Variants in NPM1 observed in about 807,000 individuals in gnomAD.
NPM1 encodes the protein nucleophosmin 1, also known as nucleophosmin.
Under a neutral mutation model 44.1 loss-of-function variants are expected in NPM1, and 1 was observed. The ratio of observed to expected loss-of-function variants is 0.02; its 90% CI spans 0.01 to 0.11. The LOEUF (loss-of-function observed/expected upper bound fraction) is 0.11, where lower values mean the gene tolerates loss of function less well. Ranked by LOEUF, NPM1 falls within the 10% of genes least tolerant of loss-of-function variation. The pLI is 1.00. For synonymous variants in NPM1, 126 were observed against 111.8 expected, an observed-to-expected ratio of 1.13 and a Z score of -0.80; for missense variants, 197 against 347.8, an observed-to-expected ratio of 0.57 and a Z score of 3.45.
intron 6 of NPM1, among the ~76,000 whole-genome samples, chr5:171,399,335 C>CAG (rs1207169618): frequency 6.6e-6 from 1 of 152,126 alleles, no homozygotes; most frequent in East Asian, 1.9e-4. Flanking sequence ...AGTTACAGTT[C>CAG]ACTGTCTCAA....
intron 4 of NPM1, 134 bp downstream of exon 4, chr5:171,391,933 G>T: frequency 1.1e-5 from 5 of 444,040 alleles, no homozygotes; most frequent in Non-Finnish European, 1.6e-5. Context: ...CTAGAAATTG[G>T]AGAGGACAAA....
chr5:171,396,964 ACT>A (rs901358342), intron 6 of NPM1, among the ~76,000 whole-genome samples: 2 of 152,036 alleles, frequency 1.3e-5, no homozygotes, highest in African/African-American at 4.8e-5. Flanking sequence ...CAAGAGTAAA[ACT>A]CAAAAAAAAA....
intron 8 of NPM1, 45 bp from the exon 9 acceptor site, chr5:171,405,257 T>G (rs2113274110): frequency 1.1e-6 from 1 of 911,212 alleles, no homozygotes; most frequent in Non-Finnish European, 1.7e-6. Flanking sequence ...TAATTAGGAA[T>G]TGTATTTATT....
At chr5:171,395,715 C>T (rs1770846052) in intron 6 of NPM1, among the ~76,000 whole-genome samples, 1 of 152,136 alleles carries the variant, frequency 6.6e-6, no homozygotes, top group Non-Finnish European at 1.5e-5. Context: ...CAAAGAGGTG[C>T]ATGAAGGTTC....
At chr5:171,389,865 C>T (rs1052078898) in intron 1 of NPM1, among the ~76,000 whole-genome samples, 186 bp from the exon 2 acceptor site, 3 of 152,118 alleles carry the variant, frequency 2.0e-5, no homozygotes, top group Non-Finnish European at 2.9e-5. Flanking sequence ...GAATTATAGT[C>T]TTTTATGGGT....
chr5:171,396,593 A>C (rs1374944100), intron 6 of NPM1, among the ~76,000 whole-genome samples: 3 of 152,238 alleles, frequency 2.0e-5, no homozygotes, highest in Non-Finnish European at 4.4e-5. Context: ...TTTAGAGACC[A>C]GTACGTTCAG....
At chr5:171,389,269 C>T (rs1230271062) in intron 1 of NPM1, among the ~76,000 whole-genome samples, 1 of 152,160 alleles carries the variant, frequency 6.6e-6, no homozygotes, top group African/African-American at 2.4e-5. Context: ...GTTAATTAAA[C>T]GTCTGTTCAC....
intron 7 of NPM1, 24 bp from the exon 8 acceptor site, chr5:171,400,815 A>G (rs148970417): frequency 5.4e-6 from 8 of 1,488,466 alleles, no homozygotes; most frequent in Non-Finnish European, 1.9e-6. Flanking sequence ...AGGGACAGTG[A>G]TTAAGATAAA....
intron 10 of NPM1, 137 bp from the exon 11 acceptor site, chr5:171,410,390 T>A: frequency 2.0e-6 from 1 of 503,240 alleles, no homozygotes; most frequent in Non-Finnish European, 3.5e-6. Context: ...TTTCTTGGAG[T>A]CATATCTTTA....
At chr5:171,407,612 T>C (rs1469080410) in intron 9 of NPM1, 88 bp from the exon 10 acceptor site, 47 of 781,364 alleles carry the variant, frequency 6.0e-5, no homozygotes, top group Non-Finnish European at 1.0e-4. Flanking sequence ...ATCCATGTAG[T>C]AGCATGCAGA....
chr5:171,400,251 A>G, intron 7 of NPM1, 41 bp downstream of exon 7: 1 of 1,611,438 alleles, frequency 6.2e-7, no homozygotes, highest in Non-Finnish European at 8.5e-7. Context: ...AACTAACAAT[A>G]GAAATGGTGA....
intron 6 of NPM1, among the ~76,000 whole-genome samples, chr5:171,398,920 C>T (rs937371589): frequency 3.9e-5 from 6 of 152,190 alleles, no homozygotes; most frequent in Admixed American, 6.5e-5. Context: ...AGCACAGTGG[C>T]GTGATCTTGG....
intron 6 of NPM1, among the ~76,000 whole-genome samples, chr5:171,393,358 A>G (rs2113186259): frequency 6.6e-6 from 1 of 152,346 alleles, no homozygotes; most frequent in East Asian, 1.9e-4. Flanking sequence ...AAATAGCTCT[A>G]TATTCATTTT....
At chr5:171,403,654 C>G (rs1771371697) in intron 8 of NPM1, among the ~76,000 whole-genome samples, 1 of 139,796 alleles carries the variant, frequency 7.2e-6, no homozygotes, top group Admixed American at 7.2e-5. Flanking sequence ...CCCCCACCTC[C>G]CTCCCGGACG....
At chr5:171,388,131 A>T in intron 1 of NPM1, 125 bp downstream of exon 1, 2 of 875,846 alleles carry the variant, frequency 2.3e-6, no homozygotes, top group South Asian at 1.5e-5. Context: ...GGGAGGCCTG[A>T]GCGGGTGGGA....
chr5:171,403,001 T>A (rs1771308255), intron 8 of NPM1, among the ~76,000 whole-genome samples: 2 of 142,668 alleles, frequency 1.4e-5, no homozygotes, highest in South Asian at 4.5e-4. Flanking sequence ...TTTTTATTTT[T>A]ATTTTTTTTT....
chr5:171,393,703 C>A (rs964229268), intron 6 of NPM1, among the ~76,000 whole-genome samples: 1 of 152,192 alleles, frequency 6.6e-6, no homozygotes, highest in East Asian at 1.9e-4. Flanking sequence ...AATATAAGAA[C>A]ATGCACTTTA....
intron 8 of NPM1, among the ~76,000 whole-genome samples, chr5:171,403,807 C>T (rs1581255205): frequency 2.0e-5 from 2 of 100,798 alleles, no homozygotes; most frequent in African/African-American, 7.6e-5. Context: ...CCAGTAGGGG[C>T]GGCCGGGCAG....
At chr5:171,405,456 T>C (rs1218944040) in intron 9 of NPM1, 53 bp downstream of exon 9, 5 of 787,374 alleles carry the variant, frequency 6.4e-6, no homozygotes, top group Non-Finnish European at 1.1e-5. Context: ...ATTGCACGTG[T>C]CTGGTTTGCA....
Sources: allele counts gnomAD v4.1 joint callset (sites outside exome capture counted in the v4.1 genomes callset), GRCh38; gene constraint gnomAD v4.1.1; transcripts MANE v1.5; gene names NCBI Gene and HGNC (gene_info 2026-07-23, HGNC 2026-07-21).